BMP7: variants seen among roughly 807,000 people sequenced by gnomAD.
The protein encoded by BMP7 is bone morphogenetic protein 7, also known as osteogenic protein 1.
BMP7 carries 12 observed loss-of-function variants against 41.2 expected under a neutral mutation model. The observed-to-expected ratio is 0.29, with a 90% CI of 0.19 to 0.47. The LOEUF (loss-of-function observed/expected upper bound fraction) is 0.47. Ranked by LOEUF, BMP7 falls within the 20% of genes least tolerant of loss-of-function variation. The pLI, the probability that BMP7 is intolerant of heterozygous loss-of-function variation, is 0.99. For synonymous variants in BMP7, 248 were observed against 250.0 expected (o/e 0.99, Z 0.07); for missense variants, 467 against 606.0 (o/e 0.77, Z 2.41).
intron 3 of BMP7, among the ~76,000 whole-genome samples, chr20:57,194,255 C>T (rs553608285): frequency 6.6e-5 from 10 of 152,134 alleles, no homozygotes; most frequent in African/African-American, 2.2e-4. Flanking sequence ...ATGATGGGGC[C>T]GGAAGGGAAA....
Position 57,197,744 on chromosome 20 carries a change from C to T in BMP7, c.760+4731G>A, listed in dbSNP as rs981558246. Among the ~76,000 whole-genome samples the T allele has an allele frequency of 1.2e-4, 18 of 152,244 alleles. 1 individual carries two copies. Among genetic ancestry groups the T allele is most frequent in the African/African-American group, 3.6e-4 (15 of 41,458 alleles). ...GGATTCAGCATGTTCTGAGAACTCA[C>T]TTTCTTCTTCCAGCCGCCTACAGAA... is the stretch of plus-strand genomic sequence containing the variant. On this transcript the variant is annotated intron_variant, in intron 3 of 6. Coordinates refer to ENST00000395863, the MANE Select transcript of BMP7 (RefSeq NM_001719.3).
At chr20:57,179,489 C>T (rs898021039) in intron 4 of BMP7, among the ~76,000 whole-genome samples, 3 of 152,246 alleles carry the variant, frequency 2.0e-5, no homozygotes, top group Admixed American at 2.0e-4. Flanking sequence ...CCCAGTTTCT[C>T]AACCCCAAAC....
intron 1 of BMP7, among the ~76,000 whole-genome samples, chr20:57,250,742 T>C (rs1030177968): frequency 6.6e-6 from 1 of 152,208 alleles, no homozygotes; most frequent in Non-Finnish European, 1.5e-5. Context: ...GCAGGTTGCC[T>C]GTGCCCCCAG....
At chr20:57,233,049 G>C (rs1600636705) in intron 1 of BMP7, among the ~76,000 whole-genome samples, 2 of 152,144 alleles carry the variant, frequency 1.3e-5, no homozygotes, top group East Asian at 3.8e-4. Flanking sequence ...ACTACAAGAG[G>C]TAGAAGCTTG....
chr20:57,244,324 C>T (rs918488421), intron 1 of BMP7, among the ~76,000 whole-genome samples: 2 of 152,202 alleles, frequency 1.3e-5, no homozygotes, highest in Non-Finnish European at 2.9e-5. Flanking sequence ...GGAAGCTATT[C>T]GCTCTGATTG....
intron 4 of BMP7, among the ~76,000 whole-genome samples, chr20:57,183,176 AG>A (rs570044285): frequency 4.1e-4 from 62 of 152,298 alleles, no homozygotes; most frequent in African/African-American, 1.3e-3. Context: ...CAGAAGTTGC[AG>A]TAAGCCGAGA....
At position 57,174,100 on chromosome 20, in the gene BMP7, G is replaced by A. The variant is rs964297171; in HGVS notation, c.1036-790C>T. 4.6e-5 allele frequency among the ~76,000 whole-genome samples: 7 copies of A among 152,272 alleles called. No homozygotes were observed. The highest frequency in any genetic ancestry group is 1.7e-4 in the African/African-American group (7 of 41,538). ...AGGCTCACAGGAGGGCTCAGAGCTG[G>A]CTGTGTGCACGTACGCCCTGAGTGT... On this transcript the variant is annotated intron_variant, in intron 5 of 6. Coordinates refer to ENST00000395863, the MANE Select transcript of BMP7 (RefSeq NM_001719.3). The surrounding 1 kb of genome is among the most constrained non-coding windows in gnomAD (Gnocchi z 4.3).
Position 57,228,530 on chromosome 20 carries a change from C to T in BMP7, c.419-109G>A. 3.7e-6 allele frequency: 5 copies of T among 1,338,564 alleles called. No individual in the cohort carries two copies. Among genetic ancestry groups the T allele is most frequent in the Admixed American group, 1.7e-5 (1 of 57,782 alleles). The allele number at this position is 1,338,564 out of a possible 1,614,324, so 82.9% of individuals were successfully genotyped here. ...TGCCTAAGCTAGATGGAGGCATGCC[C>T]ATTGCCAGTGACCCCAGTGACAACT... On this transcript the variant is annotated intron_variant, in intron 1 of 6. Coordinates refer to ENST00000395863, the MANE Select transcript of BMP7 (RefSeq NM_001719.3). The surrounding 1 kb of genome is among the most constrained non-coding windows in gnomAD (Gnocchi z 4.5).
chr20:57,266,146 G>C lies in BMP7; in HGVS notation c.-24C>G, dbSNP rs1243376088. 4.7e-6 allele frequency: 7 copies of C among 1,502,974 alleles called. No individual in the cohort carries two copies. Among genetic ancestry groups the C allele is most frequent in the African/African-American group, 4.2e-5 (3 of 71,556 alleles). 93.1% of individuals were successfully genotyped at this position (1,502,974 alleles called of 1,614,324 possible). A position where few individuals can be genotyped will look rare whatever the true frequency, so the allele number is the denominator to read the frequency against. On this transcript the variant is annotated 5_prime_UTR_variant, in exon 1 of 7. Transcript: ENST00000395863. ...ATCGCGCCGGCTCTACGCGCTACCC[G>C]GGCTCCGGGCTCCGGGCCCGCACCG...
At chr20:57,234,654 A>AG (rs11410985) in intron 1 of BMP7, among the ~76,000 whole-genome samples, 102,820 of 152,104 alleles carry the variant, frequency 0.68, 36,445 homozygotes, top group African/African-American at 0.91. Flanking sequence ...AAACACTCCC[A>AG]GTAGCTGTGT....
intron 5 of BMP7, 60 bp from the exon 6 acceptor site, chr20:57,173,370 C>G (rs533716905): frequency 4.0e-4 from 613 of 1,518,206 alleles, no homozygotes; most frequent in Non-Finnish European, 5.2e-4. Flanking sequence ...AGCATCCCAA[C>G]CCCCATGCTG....
chr20:57,218,104 G>A (rs1475001), intron 2 of BMP7, among the ~76,000 whole-genome samples: 76,203 of 152,176 alleles, frequency 0.5, 19,642 homozygotes, highest in Admixed American at 0.56. Flanking sequence ...CACAGGGCCC[G>A]ACACACAGAA....
intron 4 of BMP7, among the ~76,000 whole-genome samples, chr20:57,183,063 C>T (rs1984121267): frequency 1.3e-5 from 2 of 152,204 alleles, no homozygotes; most frequent in Admixed American, 6.5e-5. Flanking sequence ...GGTGAAACCC[C>T]GTCTCTACTA....
Position 57,259,331 on chromosome 20 carries a change from G to A in BMP7, c.418+6374C>T, listed in dbSNP as rs947218740. Among the ~76,000 whole-genome samples the A allele has an allele frequency of 2.0e-5, 3 of 152,196 alleles. No individual in the cohort carries two copies. The highest frequency in any genetic ancestry group is 2.9e-5 in the Non-Finnish European group (2 of 68,042). ...TGTGAAGCCCTTTATAGAAAGCCGC[G>A]GTTGGCAGCCCCCGCTCCTGCATGG... On this transcript the variant is annotated intron_variant, in intron 1 of 6. Transcript: ENST00000395863. The surrounding 1 kb of genome is among the most constrained non-coding windows in gnomAD (Gnocchi z 4.7).
chr20:57,173,431 A>G, intron 5 of BMP7, 121 bp from the exon 6 acceptor site: 1 of 949,884 alleles, frequency 1.1e-6, no homozygotes, highest in Non-Finnish European at 1.6e-6. Context: ...GCCTCAGACC[A>G]TGCCTTCTGA....
At chr20:57,179,904 T>C (rs1300942563) in intron 4 of BMP7, among the ~76,000 whole-genome samples, 1 of 152,172 alleles carries the variant, frequency 6.6e-6, no homozygotes, top group Non-Finnish European at 1.5e-5. Flanking sequence ...TCCTGGGGGC[T>C]GTGTAAATGG....
intron 1 of BMP7, among the ~76,000 whole-genome samples, chr20:57,258,316 C>A (rs2146031611): frequency 6.6e-6 from 1 of 152,306 alleles, no homozygotes; most frequent in Admixed American, 6.5e-5. Context: ...TCTAAACATG[C>A]TGAATCCACA....
rs534174790 is a variant in BMP7 at position 57,215,531 on chromosome 20, T to C, written c.611+12698A>G. 4 of 152,182 alleles carry C rather than the reference T, an allele frequency of 2.6e-5. No individual in the cohort carries two copies. Among genetic ancestry groups the C allele is most frequent in the South Asian group, 2.1e-4 (1 of 4,816 alleles). The allele number at this position is 152,182 out of a possible 1,614,324, so 9.4% of individuals were successfully genotyped here. A position where few individuals can be genotyped will look rare whatever the true frequency, so the allele number is the denominator to read the frequency against. ...AGGCATGATCCATCCAGAAACCCAG[T>C]GGAACTGAGCCGCGAGCTGGATTCC... On this transcript the variant is annotated intron_variant, in intron 2 of 6. Coordinates refer to ENST00000395863, the MANE Select transcript of BMP7 (RefSeq NM_001719.3). This position sits in a 1 kb window ranked among gnomAD's most constrained non-coding sequence, Gnocchi z 4.2.
intron 3 of BMP7, among the ~76,000 whole-genome samples, chr20:57,192,138 T>TATATACAATATATACTTATACATAG (rs1984376812): frequency 8.0e-6 from 1 of 125,078 alleles, no homozygotes; most frequent in Non-Finnish European, 1.6e-5. Context: ...TATATTATAT[T>TATATACAATATATACTTATACATAG]ATATATAATA....
Sources: allele counts gnomAD v4.1 joint callset (sites outside exome capture counted in the v4.1 genomes callset), GRCh38; gene constraint gnomAD v4.1.1; non-coding constraint Gnocchi (gnomAD v3.1); transcripts MANE v1.5; gene names NCBI Gene and HGNC (gene_info 2026-07-23, HGNC 2026-07-21).